Variants in SPIDR observed in about 807,000 individuals in gnomAD.
SPIDR encodes scaffold protein involved in DNA repair.
SPIDR carries 93 observed loss-of-function variants against 104.6 expected under a neutral mutation model. The observed-to-expected ratio is 0.89, with a 90% CI of 0.75 to 1.06. SPIDR has a LOEUF of 1.06. SPIDR is among the 50% of genes least tolerant of loss of function. The probability of loss-of-function intolerance (pLI) is 0.00; values close to 1 mark genes in which losing one functional copy is unlikely to be tolerated. For synonymous variants in SPIDR, 431 were observed against 416.9 expected (o/e 1.03, Z -0.41); for missense variants, 1,154 against 1,111.2 (o/e 1.04, Z -0.55).
intron 18 of SPIDR, 120 bp from the exon 19 acceptor site, chr8:47,729,292 C>A: frequency 6.9e-7 from 1 of 1,458,996 alleles, no homozygotes; most frequent in Non-Finnish European, 9.2e-7. Flanking sequence ...GGCCGTGAGA[C>A]TGAAGCTCTG....
intron 8 of SPIDR, among the ~76,000 whole-genome samples, chr8:47,453,129 G>C (rs927849087): frequency 6.6e-6 from 1 of 152,118 alleles, no homozygotes; most frequent in Non-Finnish European, 1.5e-5. Context: ...CAAAGAGAAT[G>C]AAATACCTGG....
intron 17 of SPIDR, among the ~76,000 whole-genome samples, chr8:47,727,729 G>A (rs574979844): frequency 1.3e-5 from 2 of 152,322 alleles, no homozygotes; most frequent in South Asian, 4.1e-4. Context: ...CTGGGCCAGT[G>A]TCAGTGCAGT....
At chr8:47,700,079 T>C (rs563915760) in intron 11 of SPIDR, among the ~76,000 whole-genome samples, 3 of 152,316 alleles carry the variant, frequency 2.0e-5, no homozygotes, top group South Asian at 4.1e-4. Flanking sequence ...GTTAATTTGT[T>C]GCCTGCTTTT....
intron 8 of SPIDR, among the ~76,000 whole-genome samples, chr8:47,495,599 A>C (rs2079321124): frequency 6.6e-6 from 1 of 152,078 alleles, no homozygotes; most frequent in Non-Finnish European, 1.5e-5. Context: ...ATCATATCTA[A>C]GGAGCCATTG....
chr8:47,489,063 T>C (rs1421175984), intron 8 of SPIDR, among the ~76,000 whole-genome samples: 1 of 152,148 alleles, frequency 6.6e-6, no homozygotes, highest in African/African-American at 2.4e-5. Context: ...AGTCAAATTG[T>C]CCCTGTTTGC....
Position 47,637,622 on chromosome 8 carries a change from T to A in SPIDR, c.1545-36179T>A, listed in dbSNP as rs530070879. On this transcript the variant is annotated intron_variant, in intron 10 of 19. Transcript: ENST00000297423. The stretch of plus-strand genomic sequence containing the variant: ...AATTTGTCTGATTTATTACATATGA[T>A]GAGATTGGAGTTATGTGAGTTACGT... Among the ~76,000 whole-genome samples the A allele has an allele frequency of 1.4e-4, 22 of 152,164 alleles. No individual in the cohort carries two copies. The South Asian group carries it at 1.7e-3, about 11-fold the overall frequency.
intron 7 of SPIDR, among the ~76,000 whole-genome samples, chr8:47,420,594 G>T (rs1184667100): frequency 6.6e-6 from 1 of 152,056 alleles, no homozygotes; most frequent in Admixed American, 6.5e-5. Flanking sequence ...TCTTTTAATT[G>T]GCACATTTAG....
chr8:47,566,284 G>T (rs921658234), intron 8 of SPIDR, among the ~76,000 whole-genome samples: 3 of 151,820 alleles, frequency 2.0e-5, no homozygotes, highest in Non-Finnish European at 4.4e-5. Flanking sequence ...GGGATTACAG[G>T]CGTGAGCCAC....
chr8:47,356,089 G>A (rs1284349659), intron 5 of SPIDR, among the ~76,000 whole-genome samples: 1 of 152,196 alleles, frequency 6.6e-6, no homozygotes, highest in Non-Finnish European at 1.5e-5. Flanking sequence ...AACACATGTG[G>A]ACAAGTAGTG....
chr8:47,512,118 C>T (rs908129921), intron 8 of SPIDR: 6 of 486,628 alleles, frequency 1.2e-5, no homozygotes, highest in Admixed American at 6.5e-5. Context: ...CGAACTCTCT[C>T]AGCGTCTTCT....
At chr8:47,663,127 A>G (rs775601536) in intron 10 of SPIDR, among the ~76,000 whole-genome samples, 7 of 152,196 alleles carry the variant, frequency 4.6e-5, no homozygotes, top group Non-Finnish European at 1.5e-5. Flanking sequence ...GGTTTCATAC[A>G]TGCTATGCTC....
At chr8:47,714,739 G>A (rs1190787529) in intron 16 of SPIDR, among the ~76,000 whole-genome samples, 6 of 152,156 alleles carry the variant, frequency 3.9e-5, no homozygotes, top group Non-Finnish European at 8.8e-5. Flanking sequence ...CAGGTGGGGG[G>A]AGAGGTCAAA....
chr8:47,530,755 T>A (rs752007209), intron 8 of SPIDR, among the ~76,000 whole-genome samples: 6 of 152,200 alleles, frequency 3.9e-5, no homozygotes, highest in Admixed American at 6.5e-5. Flanking sequence ...TAAATTAACC[T>A]TAGTTTACTG....
intron 16 of SPIDR, among the ~76,000 whole-genome samples, chr8:47,719,417 G>A (rs2083058909): frequency 6.6e-6 from 1 of 152,086 alleles, no homozygotes; most frequent in South Asian, 2.1e-4. Context: ...GCTGAGGCAG[G>A]AGAATGGCGT....
At chr8:47,615,255 A>G (rs928810506) in intron 10 of SPIDR, among the ~76,000 whole-genome samples, 5 of 151,610 alleles carry the variant, frequency 3.3e-5, no homozygotes, top group Admixed American at 6.6e-5. Flanking sequence ...CAAATTGTCT[A>G]TTTTTTCTTT....
chr8:47,411,506 T>G (rs1180998392), intron 7 of SPIDR, among the ~76,000 whole-genome samples: 3 of 152,214 alleles, frequency 2.0e-5, no homozygotes, highest in Non-Finnish European at 4.4e-5. Flanking sequence ...TTGATGGGGT[T>G]GTTTTTTTCT....
intron 7 of SPIDR, among the ~76,000 whole-genome samples, chr8:47,414,318 A>T (rs1298972191): frequency 6.6e-6 from 1 of 152,190 alleles, no homozygotes; most frequent in African/African-American, 2.4e-5. Flanking sequence ...ACCAAGTTAA[A>T]CATGTATGAC....
intron 8 of SPIDR, among the ~76,000 whole-genome samples, chr8:47,566,194 T>C (rs34052575): frequency 2.7e-4 from 41 of 150,390 alleles, no homozygotes; most frequent in Admixed American, 9.3e-4. Context: ...TTAGTAGAGG[T>C]GGGGTTTCTC....
intron 5 of SPIDR, among the ~76,000 whole-genome samples, chr8:47,316,681 G>A (rs1554589891): frequency 6.6e-6 from 1 of 152,164 alleles, no homozygotes; most frequent in African/African-American, 2.4e-5. Context: ...AAGCAGTGCT[G>A]TCTTCGATAG....
Sources: gnomAD v4.1 joint callset for allele counts (sites outside exome capture counted in the v4.1 genomes callset) on GRCh38, gnomAD v4.1.1 for gene constraint, MANE v1.5 for transcripts, NCBI Gene and HGNC (gene_info 2026-07-23, HGNC 2026-07-21) for gene names.